Variants in MICU1 observed in about 807,000 individuals in gnomAD.
MICU1 encodes the protein calcium uptake protein 1, mitochondrial.
MICU1 carries 45 observed loss-of-function variants against 56.8 expected under a neutral mutation model. The ratio of observed to expected loss-of-function variants is 0.79; its 90% CI spans 0.62 to 1.02. The LOEUF is 1.02. Ranked by LOEUF, MICU1 falls within the 50% of genes least tolerant of loss-of-function variation. The probability of loss-of-function intolerance (pLI) is 0.00; values close to 1 mark genes in which losing one functional copy is unlikely to be tolerated. For synonymous variants in MICU1, 186 were observed against 195.1 expected (o/e 0.95, Z 0.39); for missense variants, 504 against 587.1 (o/e 0.86, Z 1.46).
intron 1 of MICU1, among the ~76,000 whole-genome samples, chr10:72,582,604 AGTT>A (rs1840929759): frequency 6.6e-6 from 1 of 152,078 alleles, no homozygotes. Context: ...CAAAAAATTT[AGTT>A]TTTTAAAATT....
chr10:72,526,932 C>CAAAAAAAAAAAAAAAA (rs57033966), intron 5 of MICU1, among the ~76,000 whole-genome samples: 1 of 127,638 alleles, frequency 7.8e-6, no homozygotes, highest in Non-Finnish European at 1.6e-5. Context: ...GTAATGGCTT[C>CAAAAAAAAAAAAAAAA]AAAAAAAAAA....
chr10:72,465,078 G>A (rs993203752), intron 8 of MICU1, among the ~76,000 whole-genome samples: 1 of 152,122 alleles, frequency 6.6e-6, no homozygotes, highest in Non-Finnish European at 1.5e-5. Flanking sequence ...TTGGCTCCCC[G>A]CAACCTCCAC....
Position 72,505,481 on chromosome 10 carries a change from A to T in MICU1, c.652+2674T>A, listed in dbSNP as rs554117188. On this transcript the variant is annotated intron_variant, in intron 6 of 11. Transcript: ENST00000361114. ...ACTGGATACATACCCAAAGGAAAAT[A>T]AATCGTTCTACCAAAAAGACACATG... Among the ~76,000 whole-genome samples the T allele has an allele frequency of 1.8e-4, 28 of 152,326 alleles. No individual in the cohort carries two copies. In the East Asian group the frequency reaches 4.6e-3, roughly 25 times the overall value.
chr10:72,385,755 A>T (rs1193054387), intron 10 of MICU1, among the ~76,000 whole-genome samples: 1 of 152,176 alleles, frequency 6.6e-6, no homozygotes, highest in Non-Finnish European at 1.5e-5. Flanking sequence ...TGTGACTACG[A>T]TAATCCTGTG....
At chr10:72,508,843 C>T (rs559711735) in intron 5 of MICU1, among the ~76,000 whole-genome samples, 6 of 152,236 alleles carry the variant, frequency 3.9e-5, no homozygotes, top group Admixed American at 6.5e-5. Context: ...AAATATAATG[C>T]CAAATCAGTC....
At position 72,569,238 on chromosome 10, in the gene MICU1, T is replaced by TA. The variant is rs1554890955; in HGVS notation, c.-1-2445_-1-2444insT. ...ATATATATATATATATATATATATATTTTTTTTTTTTTTTGAGATGGCGTC... is the reference window on the plus strand; with the variant it reads ...ATATATATATATATATATATATATATATTTTTTTTTTTTTTGAGATGGCGTC... On this transcript the variant is annotated intron_variant, in intron 1 of 11. Coordinates refer to ENST00000361114, the MANE Select transcript of MICU1 (RefSeq NM_001195518.2). Among the ~76,000 whole-genome samples, 38 of 29,770 alleles carry TA rather than the reference T, an allele frequency of 1.3e-3. No individual in the cohort carries two copies. In the East Asian group the frequency reaches 0.019, roughly 15 times the overall value. The allele number at this position is 29,770 out of a possible 152,430, so 19.5% of individuals were successfully genotyped here.
chr10:72,583,921 T>A (rs1179147152), intron 1 of MICU1, among the ~76,000 whole-genome samples: 2 of 152,232 alleles, frequency 1.3e-5, no homozygotes, highest in Admixed American at 6.5e-5. Flanking sequence ...ACACTTCAGC[T>A]AAGCCTGTTC....
Position 72,394,363 on chromosome 10 carries a change from C to T in MICU1, c.1180+13566G>A, listed in dbSNP as rs550523481. ...TAAAAATTACCCATATGAGGCTGGG[C>T]CCCTGTAATCCCAGCACTTTGGGAG... On this transcript the variant is annotated intron_variant, in intron 10 of 11. Coordinates refer to ENST00000361114, the MANE Select transcript of MICU1 (RefSeq NM_001195518.2). 2.6e-5 allele frequency among the ~76,000 whole-genome samples: 4 copies of T among 152,308 alleles called. No homozygotes were observed. The South Asian group carries it at 8.3e-4, about 32-fold the overall frequency.
rs776079895 is a variant in MICU1, at chr10:72,566,790, A to C, written c.4T>G (p.Phe2Val). MFRLNSLSALAE... is the reference protein window; with the variant it reads MVRLNSLSALAE... ...AAAGCAGAAAGTGAGTTCAGACGAAACATCCTGTGGACAATAAGTAGAAAT... is the reference window on the plus strand; with the variant it reads ...AAAGCAGAAAGTGAGTTCAGACGAACCATCCTGTGGACAATAAGTAGAAAT... Residue 2 changes from phenylalanine (F) to valine (V), a missense_variant, in exon 2 of 12, where the codon TTT becomes GTT. Coordinates refer to ENST00000361114, the MANE Select transcript of MICU1 (RefSeq NM_001195518.2). The C allele has an allele frequency of 6.2e-7, 1 of 1,609,774 alleles. No individual in the cohort carries two copies. The highest frequency in any genetic ancestry group is 8.5e-7 in the Non-Finnish European group (1 of 1,178,272).
intron 7 of MICU1, 71 bp downstream of exon 7, chr10:72,477,103 G>A (rs1666599842): frequency 8.5e-7 from 1 of 1,177,276 alleles, no homozygotes; most frequent in South Asian, 1.6e-5. Context: ...CAAGGCTAAG[G>A]TAACTCCAAG....
At chr10:72,409,383 T>TA (rs1863733403) in intron 9 of MICU1, among the ~76,000 whole-genome samples, 1 of 152,220 alleles carries the variant, frequency 6.6e-6, no homozygotes, top group Non-Finnish European at 1.5e-5. Flanking sequence ...TTTCTCACCT[T>TA]ATCAAACTGA....
intron 10 of MICU1, among the ~76,000 whole-genome samples, chr10:72,391,436 C>CA (rs1217225495): frequency 1.1e-4 from 16 of 143,054 alleles, no homozygotes; most frequent in Middle Eastern, 3.5e-3. Flanking sequence ...AACTCCATCT[C>CA]AAAAAAAAAA....
chr10:72,393,886 C>G (rs1863161365), intron 10 of MICU1, among the ~76,000 whole-genome samples: 1 of 152,196 alleles, frequency 6.6e-6, no homozygotes, highest in Non-Finnish European at 1.5e-5. Context: ...CTGCCTCAGC[C>G]TCCTGAGTAG....
chr10:72,572,579 T>C lies in MICU1; in HGVS notation c.-1-5785A>G, dbSNP rs1400557493. On this transcript the variant is annotated intron_variant, in intron 1 of 11. Transcript: ENST00000361114. ...AATAAATGATGCTATAATAACATAA[T>C]GGAATGGAATGTAAATATTAAAAAT... is the stretch of plus-strand genomic sequence containing the variant. 2.6e-5 allele frequency among the ~76,000 whole-genome samples: 4 copies of C among 151,958 alleles called. No individual in the cohort carries two copies. In the East Asian group the frequency reaches 7.7e-4, roughly 29 times the overall value.
At chr10:72,465,905 G>A (rs1319364334) in intron 8 of MICU1, among the ~76,000 whole-genome samples, 1 of 152,108 alleles carries the variant, frequency 6.6e-6, no homozygotes, top group Non-Finnish European at 1.5e-5. Flanking sequence ...TGCAGTTTGA[G>A]ATATAACAGC....
intron 1 of MICU1, among the ~76,000 whole-genome samples, chr10:72,600,648 CAAAAAAA>C (rs71021514): frequency 1.9e-5 from 2 of 105,616 alleles, no homozygotes; most frequent in Non-Finnish European, 3.7e-5. Flanking sequence ...GACTCCGTCT[CAAAAAAA>C]AAAAAAAAAA....
chr10:72,397,753 C>T, intron 10 of MICU1, among the ~76,000 whole-genome samples: 1 of 152,170 alleles, frequency 6.6e-6, no homozygotes. Flanking sequence ...TATATATGCA[C>T]CCAATACAGG....
intron 8 of MICU1, among the ~76,000 whole-genome samples, chr10:72,466,700 CT>C (rs1865803924): frequency 6.6e-6 from 1 of 152,204 alleles, no homozygotes; most frequent in African/African-American, 2.4e-5. Flanking sequence ...AAAGAGTGTT[CT>C]AGTTCCAACA....
intron 6 of MICU1, among the ~76,000 whole-genome samples, chr10:72,492,329 T>C (rs1457158944): frequency 6.6e-6 from 1 of 152,132 alleles, no homozygotes; most frequent in Admixed American, 6.6e-5. Context: ...GGTACGGAAA[T>C]AATCCGAGAG....
Sources: allele counts gnomAD v4.1 joint callset (sites outside exome capture counted in the v4.1 genomes callset), GRCh38; gene constraint gnomAD v4.1.1; transcripts MANE v1.5; gene names NCBI Gene and HGNC (gene_info 2026-07-23, HGNC 2026-07-21).